Variants in CDH13 observed in about 807,000 individuals in gnomAD.
CDH13 encodes the protein cadherin 13, also known as cadherin-13.
In CDH13, 24 loss-of-function variants were observed where a neutral mutation model predicts 63.8. The ratio of observed to expected loss-of-function variants is 0.38; its 90% CI spans 0.27 to 0.53. The LOEUF is 0.53. CDH13 is among the 20% of genes least tolerant of loss of function. The pLI is 0.85. For synonymous variants in CDH13, 503 were observed against 355.3 expected (o/e 1.42, Z -4.67); for missense variants, 1,049 against 903.1 (o/e 1.16, Z -2.07).
At chr16:83,276,124 T>G (rs1288029496) in intron 5 of CDH13, among the ~76,000 whole-genome samples, 1 of 152,128 alleles carries the variant, frequency 6.6e-6, no homozygotes, top group Non-Finnish European at 1.5e-5. Flanking sequence ...CAGTTCAAAC[T>G]CGCCCCACAC....
intron 3 of CDH13, among the ~76,000 whole-genome samples, chr16:83,104,411 A>G (rs1415939135): frequency 5.3e-5 from 8 of 152,204 alleles, no homozygotes; most frequent in Non-Finnish European, 8.8e-5. Context: ...TGCGACAAAA[A>G]ACACAGAGCA....
chr16:83,308,403 A>G (rs1157670607), intron 5 of CDH13, among the ~76,000 whole-genome samples: 1 of 152,224 alleles, frequency 6.6e-6, no homozygotes, highest in Non-Finnish European at 1.5e-5. Context: ...TTTCCTGGTG[A>G]GATTTCAAGG....
intron 7 of CDH13, among the ~76,000 whole-genome samples, chr16:83,500,245 TC>T (rs1673403676): frequency 5.5e-4 from 1 of 1,808 alleles, no homozygotes; most frequent in Non-Finnish European, 2.8e-3. Flanking sequence ...TTCTTCTTCT[TC>T]TTCTTCTTCT....
chr16:82,704,099 G>A (rs988985253), intron 1 of CDH13, among the ~76,000 whole-genome samples: 10 of 152,240 alleles, frequency 6.6e-5, no homozygotes, highest in Admixed American at 2.6e-4. Context: ...GGCAGGTGGC[G>A]TGGCTTGAAT....
At chr16:83,391,782 C>G (rs1045316368) in intron 6 of CDH13, among the ~76,000 whole-genome samples, 1 of 152,174 alleles carries the variant, frequency 6.6e-6, no homozygotes, top group Non-Finnish European at 1.5e-5. Flanking sequence ...TGGTGAGATT[C>G]TGAACCAAAC....
intron 13 of CDH13, among the ~76,000 whole-genome samples, chr16:83,790,747 G>A (rs1266008901): frequency 6.6e-6 from 1 of 152,152 alleles, no homozygotes; most frequent in Non-Finnish European, 1.5e-5. Flanking sequence ...TGAAGTGGAT[G>A]TGTAATTCTT....
At chr16:83,658,483 C>T (rs1425184661) in intron 8 of CDH13, among the ~76,000 whole-genome samples, 2 of 147,136 alleles carry the variant, frequency 1.4e-5, no homozygotes, top group Non-Finnish European at 3.0e-5. Flanking sequence ...CCACCAGGTC[C>T]CGTATCCTCA....
At chr16:83,129,880 T>C (rs2035975728) in intron 4 of CDH13, among the ~76,000 whole-genome samples, 1 of 152,244 alleles carries the variant, frequency 6.6e-6, no homozygotes, top group African/African-American at 2.4e-5. Context: ...ATTTTTTGCA[T>C]ACTTCATTTC....
intron 1 of CDH13, among the ~76,000 whole-genome samples, chr16:82,852,633 T>G (rs192599): frequency 0.26 from 38,973 of 152,088 alleles, 5,311 homozygotes; most frequent in Middle Eastern, 0.32. Flanking sequence ...TCAATGACAG[T>G]TCTTATAGCT....
At chr16:83,615,466 C>G (rs1909206579) in intron 8 of CDH13, among the ~76,000 whole-genome samples, 1 of 152,084 alleles carries the variant, frequency 6.6e-6, no homozygotes, top group African/African-American at 2.4e-5. Flanking sequence ...TCTAGACTCC[C>G]TCTTCCTATG....
chr16:82,677,711 AT>A (rs956149809), intron 1 of CDH13, among the ~76,000 whole-genome samples: 6 of 152,228 alleles, frequency 3.9e-5, no homozygotes, highest in East Asian at 3.9e-4. Flanking sequence ...ACTGACAGAT[AT>A]TTTTTAAAGG....
chr16:83,143,898 T>C (rs1375476089), intron 4 of CDH13, among the ~76,000 whole-genome samples: 1 of 152,032 alleles, frequency 6.6e-6, no homozygotes, highest in African/African-American at 2.4e-5. Context: ...GGGAAACTCA[T>C]ACACAGGCGT....
At chr16:82,967,114 C>T (rs565616277) in intron 2 of CDH13, among the ~76,000 whole-genome samples, 7 of 152,102 alleles carry the variant, frequency 4.6e-5, no homozygotes, top group East Asian at 3.9e-4. Context: ...TTAGTTTGTT[C>T]GGTGTCTCCC....
chr16:82,852,501 T>G (rs1009323950), intron 1 of CDH13, among the ~76,000 whole-genome samples: 1 of 152,234 alleles, frequency 6.6e-6, no homozygotes, highest in African/African-American at 2.4e-5. Flanking sequence ...TCAGGGGCCA[T>G]GTCTAGAAGA....
chr16:83,252,454 T>C (rs1432359435), intron 5 of CDH13, among the ~76,000 whole-genome samples: 2 of 152,056 alleles, frequency 1.3e-5, no homozygotes, highest in Admixed American at 1.3e-4. Flanking sequence ...TTAAAACCAT[T>C]ATATCTTCCT....
At chr16:83,286,801 C>G (rs2089328192) in intron 5 of CDH13, among the ~76,000 whole-genome samples, 1 of 149,946 alleles carries the variant, frequency 6.7e-6, no homozygotes, top group East Asian at 2.0e-4. Context: ...TATATACACA[C>G]ACACATATAA....
intron 6 of CDH13, 82 bp downstream of exon 6, chr16:83,345,088 A>C: frequency 3.4e-6 from 5 of 1,475,546 alleles, no homozygotes; most frequent in Non-Finnish European, 4.6e-6. Flanking sequence ...GGACTGTCTT[A>C]TGGCTGTTCC....
chr16:83,423,162 A>G (rs1307106854), intron 6 of CDH13, among the ~76,000 whole-genome samples: 1 of 152,160 alleles, frequency 6.6e-6, no homozygotes, highest in East Asian at 1.9e-4. Context: ...AGGGTCCCAC[A>G]AAAATCTGTT....
At chr16:83,791,706 G>T (rs1032760435) in intron 13 of CDH13, among the ~76,000 whole-genome samples, 1 of 151,462 alleles carries the variant, frequency 6.6e-6, no homozygotes, top group Non-Finnish European at 1.5e-5. Flanking sequence ...AGCTACTCAG[G>T]AGGCTGAGGC....
Sources: gnomAD v4.1 joint callset for allele counts (sites outside exome capture counted in the v4.1 genomes callset) on GRCh38, gnomAD v4.1.1 for gene constraint, MANE v1.5 for transcripts, NCBI Gene and HGNC (gene_info 2026-07-23, HGNC 2026-07-21) for gene names.